Variants in LRRC4C observed in about 807,000 individuals in gnomAD.
LRRC4C encodes leucine rich repeat containing 4C.
LRRC4C carries 5 observed loss-of-function variants against 33.6 expected under a neutral mutation model. The ratio of observed to expected loss-of-function variants is 0.15; its 90% CI spans 0.08 to 0.31. The LOEUF (loss-of-function observed/expected upper bound fraction) is 0.31, where lower values mean the gene tolerates loss of function less well. LRRC4C is among the 10% of genes least tolerant of loss of function. LRRC4C has a pLI of 1.00. For missense variants in LRRC4C, 560 were observed against 796.7 expected (o/e 0.70, Z 3.58); for synonymous variants, 329 against 302.0 (o/e 1.09, Z -0.93).
At position 40,898,353 on chromosome 11, in the gene LRRC4C, C is replaced by CAAAAAAAAA. The variant is rs765252333; in HGVS notation, c.-407+35273_-407+35281dup. ...GGGCAACAAGAGTGAAACTCCATCT[C>CAAAAAAAAA]AAAAAAAAAAAAAAAAAAAGAAAAA... On this transcript the variant is annotated intron_variant, in intron 2 of 6. Transcript: ENST00000528697. Among the ~76,000 whole-genome samples the CAAAAAAAAA allele has an allele frequency of 1.1e-3, 44 of 38,268 alleles. 1 individual carries two copies. The highest frequency in any genetic ancestry group is 4.2e-3 in the South Asian group (3 of 722). The allele number at this position is 38,268 out of a possible 152,430, so 25.1% of individuals were successfully genotyped here.
At chr11:40,946,923 A>G (rs1365680505) in intron 1 of LRRC4C, among the ~76,000 whole-genome samples, 1 of 152,184 alleles carries the variant, frequency 6.6e-6, no homozygotes, top group Non-Finnish European at 1.5e-5. Context: ...CAATATTATC[A>G]GCCCACAGTG....
intron 3 of LRRC4C, among the ~76,000 whole-genome samples, chr11:40,568,847 G>C (rs1046848961): frequency 1.3e-5 from 2 of 152,164 alleles, no homozygotes; most frequent in African/African-American, 4.8e-5. Flanking sequence ...TCTTGCTAGA[G>C]AGAATATACA....
intron 2 of LRRC4C, among the ~76,000 whole-genome samples, chr11:40,930,924 GC>G (rs767264329): frequency 1.3e-5 from 2 of 152,112 alleles, no homozygotes; most frequent in Non-Finnish European, 2.9e-5. Flanking sequence ...AAATTATTTG[GC>G]CCTCAAGCCA....
rs1427965472 is a variant in LRRC4C, at chr11:40,585,566, C to G, written c.-270+62576G>C. Reference sequence around the variant, plus strand: ...ATACACGTGCCATGCTGGTGCGCTGCACCCACTAACTCGTCATCTAGCATT... The same window carrying G: ...ATACACGTGCCATGCTGGTGCGCTGGACCCACTAACTCGTCATCTAGCATT... On this transcript the variant is annotated intron_variant, in intron 3 of 6. Transcript: ENST00000528697. Among the ~76,000 whole-genome samples the G allele has an allele frequency of 2.0e-5, 3 of 147,970 alleles. No homozygotes were observed. The East Asian group carries it at 6.0e-4, about 30-fold the overall frequency.
intron 1 of LRRC4C, among the ~76,000 whole-genome samples, chr11:41,421,476 C>T (rs1954871284): frequency 6.6e-6 from 1 of 152,002 alleles, no homozygotes; most frequent in African/African-American, 2.4e-5. Flanking sequence ...CTTCTGATAA[C>T]ATTTTTTCCT....
chr11:40,936,811 G>C (rs1324623930), intron 1 of LRRC4C, among the ~76,000 whole-genome samples: 2 of 152,152 alleles, frequency 1.3e-5, no homozygotes, highest in African/African-American at 4.8e-5. Flanking sequence ...CATAAAGCCA[G>C]TAATGGTAAA....
At chr11:40,233,140 C>G (rs1865320851) in intron 5 of LRRC4C, among the ~76,000 whole-genome samples, 1 of 152,148 alleles carries the variant, frequency 6.6e-6, no homozygotes. Context: ...TATACTGTTG[C>G]ATCGACTTGT....
intron 5 of LRRC4C, among the ~76,000 whole-genome samples, chr11:40,178,066 G>A (rs1860662671): frequency 6.6e-6 from 1 of 152,094 alleles, no homozygotes; most frequent in Non-Finnish European, 1.5e-5. Flanking sequence ...AAGAGTATAG[G>A]GCTCTATCAG....
chr11:40,269,470 T>C (rs994154706), intron 4 of LRRC4C, among the ~76,000 whole-genome samples: 13 of 152,180 alleles, frequency 8.5e-5, no homozygotes, highest in Admixed American at 2.0e-4. Context: ...TTAGGAAATT[T>C]AAATCCTAAA....
In LRRC4C at chr11:41,375,913, C is replaced by T. The variant is rs762018817; in HGVS notation, c.-496+83518G>A. ...AGGAATATTAGGAAATTTAGTATGG[C>T]GTTCACACTAACTTGCAAGAGATGA... On this transcript the variant is annotated intron_variant, in intron 1 of 6. Transcript: ENST00000528697. Among the ~76,000 whole-genome samples, 8 of 151,826 alleles carry T rather than the reference C, an allele frequency of 5.3e-5. No homozygotes were observed. In the South Asian group the frequency reaches 8.3e-4, roughly 16 times the overall value.
At chr11:40,948,820 A>G (rs1308313585) in intron 1 of LRRC4C, among the ~76,000 whole-genome samples, 1 of 151,540 alleles carries the variant, frequency 6.6e-6, no homozygotes, top group African/African-American at 2.4e-5. Context: ...TAGTGCCACA[A>G]TAAACATACG....
At chr11:41,190,805 C>A (rs1401756251) in intron 1 of LRRC4C, among the ~76,000 whole-genome samples, 2 of 152,066 alleles carry the variant, frequency 1.3e-5, no homozygotes, top group African/African-American at 2.4e-5. Context: ...TGATGAAAGC[C>A]CTTTCAGAAT....
At chr11:41,234,049 A>C (rs1039136901) in intron 1 of LRRC4C, among the ~76,000 whole-genome samples, 11 of 151,694 alleles carry the variant, frequency 7.3e-5, no homozygotes, top group African/African-American at 2.4e-4. Flanking sequence ...AAGCACACAA[A>C]ATGTCCTATA....
intron 5 of LRRC4C, among the ~76,000 whole-genome samples, chr11:40,145,355 C>A (rs1449389588): frequency 6.6e-6 from 1 of 152,064 alleles, no homozygotes; most frequent in Non-Finnish European, 1.5e-5. Flanking sequence ...TTTAGAAGTG[C>A]CCAGTTGGCC....
At chr11:40,432,953 G>T (rs988262107) in intron 3 of LRRC4C, among the ~76,000 whole-genome samples, 3 of 151,056 alleles carry the variant, frequency 2.0e-5, no homozygotes, top group African/African-American at 7.4e-5. Flanking sequence ...CATCTTGAAT[G>T]GATATACGTT....
At chr11:40,872,020 G>T (rs1304584497) in intron 2 of LRRC4C, among the ~76,000 whole-genome samples, 1 of 152,112 alleles carries the variant, frequency 6.6e-6, no homozygotes, top group Non-Finnish European at 1.5e-5. Flanking sequence ...CCAGAGCATT[G>T]GTCAGGCAGG....
At chr11:40,403,013 T>C (rs1222705266) in intron 3 of LRRC4C, among the ~76,000 whole-genome samples, 6 of 152,092 alleles carry the variant, frequency 3.9e-5, no homozygotes, top group East Asian at 1.9e-4. Context: ...ATGGTTCTAG[T>C]CTAGGCTTTT....
intron 1 of LRRC4C, among the ~76,000 whole-genome samples, chr11:41,333,406 C>T (rs1203261607): frequency 1.3e-5 from 2 of 152,104 alleles, no homozygotes; most frequent in Non-Finnish European, 2.9e-5. Context: ...ATAACATGTA[C>T]AGTTAGCTTT....
chr11:40,670,903 A>C (rs749748703), intron 2 of LRRC4C, among the ~76,000 whole-genome samples: 52 of 152,118 alleles, frequency 3.4e-4, no homozygotes, highest in Non-Finnish European at 5.4e-4. Context: ...GGCTGGGACT[A>C]TAGGTGCCCG....
Sources: gnomAD v4.1 joint callset for allele counts (sites outside exome capture counted in the v4.1 genomes callset) on GRCh38, gnomAD v4.1.1 for gene constraint, MANE v1.5 for transcripts, NCBI Gene and HGNC (gene_info 2026-07-23, HGNC 2026-07-21) for gene names.